ARPP19: variants seen among roughly 807,000 people sequenced by gnomAD.
The protein encoded by ARPP19 is cAMP regulated phosphoprotein 19.
ARPP19 carries 8 observed loss-of-function variants against 12.0 expected under a neutral mutation model. The ratio of observed to expected loss-of-function variants is 0.67; its 90% CI spans 0.39 to 1.21. The LOEUF (loss-of-function observed/expected upper bound fraction) is 1.21. Ranked by LOEUF, ARPP19 falls within the 50% of genes most tolerant of loss-of-function variation. ARPP19 has a pLI of 0.01. For synonymous variants in ARPP19, 47 were observed against 50.4 expected, an observed-to-expected ratio of 0.93 and a Z score of 0.29; for missense variants, 102 against 136.3, an observed-to-expected ratio of 0.75 and a Z score of 1.25.
chr15:52,554,280 G>A (rs909005984), intron 2 of ARPP19, among the ~76,000 whole-genome samples: 13 of 149,944 alleles, frequency 8.7e-5, no homozygotes, highest in African/African-American at 3.2e-4. Context: ...ACTCTGCTTG[G>A]GGGAAAGGAA....
chr15:52,547,363 CA>C lies in ARPP19; in HGVS notation c.*4570del, dbSNP rs2077886763. On this transcript the variant is annotated 3_prime_UTR_variant, in exon 3 of 3. Coordinates refer to ENST00000249822, the MANE Select transcript of ARPP19 (RefSeq NM_006628.6). Reference sequence around the variant, plus strand: ...TAACAAAAAGCAAAACAAAACAAAACAAAAAAACAAAACAAGGCATTTACTC... The same window carrying C: ...TAACAAAAAGCAAAACAAAACAAAACAAAAAACAAAACAAGGCATTTACTC... The C allele has an allele frequency of 6.6e-6, 1 of 151,986 alleles. No homozygotes were observed. The highest frequency in any genetic ancestry group is 2.4e-5 in the African/African-American group (1 of 41,364). The allele number at this position is 151,986 out of a possible 1,614,324, so 9.4% of individuals were successfully genotyped here. A position where few individuals can be genotyped will look rare whatever the true frequency, so the allele number is the denominator to read the frequency against.
At chr15:52,560,815 C>T (rs537980991) in intron 1 of ARPP19, among the ~76,000 whole-genome samples, 1 of 152,344 alleles carries the variant, frequency 6.6e-6, no homozygotes, top group East Asian at 1.9e-4. Flanking sequence ...CCACCAACAG[C>T]AGACAGCAGT....
Position 52,557,109 on chromosome 15 carries a change from C to A in ARPP19, c.159G>T (p.Leu53Phe). 1 of 1,611,870 alleles carries A rather than the reference C, an allele frequency of 6.2e-7. No individual in the cohort carries two copies. The highest frequency in any genetic ancestry group is 8.5e-7 in the Non-Finnish European group (1 of 1,179,802). The change falls in exon 2 of 3, where the codon TTG (leucine) becomes TTT (phenylalanine). Residue 53 changes from leucine to phenylalanine, a missense_variant. Coordinates refer to ENST00000249822, the MANE Select transcript of ARPP19 (RefSeq NM_006628.6). ...ACCCATGAGAACTTACCCCTTTCTG[C>A]AACCGTTTCCTTAAGAAATCTGAAC... ...PGGSDFLRKR[L>F]QKGQKYFDSG...
intron 1 of ARPP19, among the ~76,000 whole-genome samples, chr15:52,561,475 A>G (rs2140245120): frequency 6.6e-6 from 1 of 152,304 alleles, no homozygotes; most frequent in East Asian, 1.9e-4. Flanking sequence ...AGAAAAGAAT[A>G]CTATAACAGT....
chr15:52,562,364 A>C (rs547492089), intron 1 of ARPP19, among the ~76,000 whole-genome samples: 67 of 152,284 alleles, frequency 4.4e-4, no homozygotes, highest in African/African-American at 1.6e-3. Flanking sequence ...GTAACAACAA[A>C]AAAATTATAA....
At chr15:52,552,184 C>T (rs557025438) in intron 2 of ARPP19, 80 bp from the exon 3 acceptor site, 11 of 775,366 alleles carry the variant, frequency 1.4e-5, no homozygotes, top group East Asian at 1.3e-4. Context: ...CCATACTGTC[C>T]GTATAAGGTT....
Position 52,551,159 on chromosome 15 carries a change from A to C in ARPP19, c.*775T>G, listed in dbSNP as rs747102701. On this transcript the variant is annotated 3_prime_UTR_variant, in exon 3 of 3. Transcript: ENST00000249822. ...TGGTTGGCACATTATCTACTTTTTA[A>C]GTATGTGAAATTAATACAGACATTT... 6 of 152,926 alleles carry C rather than the reference A, an allele frequency of 3.9e-5. No individual in the cohort carries two copies. The East Asian group carries it at 1.2e-3, about 29-fold the overall frequency. The allele number at this position is 152,926 out of a possible 1,614,324, so 9.5% of individuals were successfully genotyped here.
intron 1 of ARPP19, among the ~76,000 whole-genome samples, chr15:52,558,886 C>A (rs977444462): frequency 1.3e-5 from 2 of 151,918 alleles, no homozygotes; most frequent in Non-Finnish European, 2.9e-5. Context: ...TGGTCTTGAA[C>A]TCCTGGCCTC....
rs200056727 is a variant in ARPP19 at position 52,556,308 on chromosome 15, G to GT, written c.168+791dup. Among the ~76,000 whole-genome samples the GT allele has an allele frequency of 9.7e-3, 1,468 of 152,114 alleles. 30 individuals are homozygous for GT. The highest frequency in any genetic ancestry group is 0.034 in the African/African-American group (1,418 of 41,488). On this transcript the variant is annotated intron_variant, in intron 2 of 2. Transcript: ENST00000249822. The stretch of plus-strand genomic sequence containing the variant: ...GTAGTATTTCATCCTTCCCTGTATA[G>GT]TAAGTAATTTGAATATGCTTAAGCT...
rs1248746224 is a variant in ARPP19, at chr15:52,550,392, A to G, written c.*1542T>C. 5 of 152,246 alleles carry G rather than the reference A, an allele frequency of 3.3e-5. No individual in the cohort carries two copies. Among genetic ancestry groups the G allele is most frequent in the Admixed American group, 3.3e-4 (5 of 15,288 alleles). 9.4% of individuals were successfully genotyped at this position (152,246 alleles called of 1,614,324 possible). On this transcript the variant is annotated 3_prime_UTR_variant, in exon 3 of 3. Coordinates refer to ENST00000249822, the MANE Select transcript of ARPP19 (RefSeq NM_006628.6). The stretch of plus-strand genomic sequence containing the variant: ...ACAAGCCTAATTCAATTAGCTTGTC[A>G]TAATTCCTAAAATAATTTACCAAAA...
At position 52,551,862 on chromosome 15, in the gene ARPP19, TA is replaced by T; in HGVS notation, c.*71del. ...CAAATGACTAGTGAATGAAAGGAAA[TA>T]AAAAGTAGATAAGTAACATATTAAG... On this transcript the variant is annotated 3_prime_UTR_variant, in exon 3 of 3. Coordinates refer to ENST00000249822, the MANE Select transcript of ARPP19 (RefSeq NM_006628.6). 1 of 1,171,762 alleles carries T rather than the reference TA, an allele frequency of 8.5e-7. No individual in the cohort carries two copies. Among genetic ancestry groups the T allele is most frequent in the South Asian group, 1.4e-5 (1 of 72,592 alleles). 72.6% of individuals were successfully genotyped at this position (1,171,762 alleles called of 1,614,324 possible). A position where few individuals can be genotyped will look rare whatever the true frequency, so the allele number is the denominator to read the frequency against.
At chr15:52,554,452 C>T (rs200181278) in intron 2 of ARPP19, among the ~76,000 whole-genome samples, 2 of 152,022 alleles carry the variant, frequency 1.3e-5, no homozygotes, top group East Asian at 1.9e-4. Flanking sequence ...GAGAAGTGAA[C>T]TAATGTTTAT....
At chr15:52,565,900 G>A (rs985435743) in intron 1 of ARPP19, among the ~76,000 whole-genome samples, 2 of 152,110 alleles carry the variant, frequency 1.3e-5, no homozygotes, top group African/African-American at 2.4e-5. Flanking sequence ...TGTTGCCCAG[G>A]CTAGAGTGCA....
Position 52,558,482 on chromosome 15 carries a change from A to AAAAAGG in ARPP19, c.46-1261_46-1260insCCTTTT, listed in dbSNP as rs559673591. ...TCAAAACAAAACAGAAAAAAAAAAA[A>AAAAAGG]AAAGAAAGAAAAAGAGAAAGAGAAA... On this transcript the variant is annotated intron_variant, in intron 1 of 2. Coordinates refer to ENST00000249822, the MANE Select transcript of ARPP19 (RefSeq NM_006628.6). Among the ~76,000 whole-genome samples the AAAAAGG allele has an allele frequency of 7.8e-4, 117 of 149,086 alleles. 1 individual carries two copies. Among genetic ancestry groups the AAAAAGG allele is most frequent in the African/African-American group, 2.8e-3 (113 of 40,546 alleles).
chr15:52,551,115 G>A lies in ARPP19; in HGVS notation c.*819C>T, dbSNP rs1156280671. On this transcript the variant is annotated 3_prime_UTR_variant, in exon 3 of 3. Coordinates refer to ENST00000249822, the MANE Select transcript of ARPP19 (RefSeq NM_006628.6). ...GCTATAATGATTTACAGAGTTTTGT[G>A]TAGGAACTCTTGTGCTTCTGGTTGG... 2 of 152,666 alleles carry A rather than the reference G, an allele frequency of 1.3e-5. No individual in the cohort carries two copies. The highest frequency in any genetic ancestry group is 2.9e-5 in the Non-Finnish European group (2 of 68,048). The allele number at this position is 152,666 out of a possible 1,614,324, so 9.5% of individuals were successfully genotyped here. A position where few individuals can be genotyped will look rare whatever the true frequency, so the allele number is the denominator to read the frequency against.
intron 1 of ARPP19, among the ~76,000 whole-genome samples, chr15:52,565,818 A>G (rs557570120): frequency 1.3e-5 from 2 of 152,354 alleles, no homozygotes; most frequent in East Asian, 3.9e-4. Context: ...TCAAAAATTT[A>G]GACTGGCTTT....
chr15:52,558,307 G>A (rs371987892), intron 1 of ARPP19, among the ~76,000 whole-genome samples: 2 of 151,828 alleles, frequency 1.3e-5, no homozygotes, highest in East Asian at 1.9e-4. Flanking sequence ...AAAATTAGCC[G>A]GGCATGATGG....
In ARPP19 at chr15:52,551,888, G is replaced by C. The variant is rs776968155; in HGVS notation, c.*46C>G. On this transcript the variant is annotated 3_prime_UTR_variant, in exon 3 of 3. Coordinates refer to ENST00000249822, the MANE Select transcript of ARPP19 (RefSeq NM_006628.6). ...AAAAAGTAGATAAGTAACATATTAA[G>C]GAGAAATAATGAGATTTAGCAGATT... The C allele has an allele frequency of 1.4e-6, 2 of 1,414,146 alleles. No individual in the cohort carries two copies. The highest frequency in any genetic ancestry group is 3.6e-4 in the Middle Eastern group (2 of 5,566). The allele number at this position is 1,414,146 out of a possible 1,614,324, so 87.6% of individuals were successfully genotyped here. A position where few individuals can be genotyped will look rare whatever the true frequency, so the allele number is the denominator to read the frequency against.
chr15:52,564,203 G>A, intron 1 of ARPP19: 1 of 1,533,836 alleles, frequency 6.5e-7, no homozygotes, highest in South Asian at 1.2e-5. Context: ...TAGGCTGTTA[G>A]GAATCGATGG....
Sources: gnomAD v4.1 joint callset for allele counts (sites outside exome capture counted in the v4.1 genomes callset) on GRCh38, gnomAD v4.1.1 for gene constraint, MANE v1.5 for transcripts, NCBI Gene and HGNC (gene_info 2026-07-23, HGNC 2026-07-21) for gene names.